The following ZNF395 variants were observed in gnomAD, a reference collection of about 807,000 sequenced individuals.
The protein encoded by ZNF395 is zinc finger protein 395.
A neutral mutation model predicts 57.7 loss-of-function variants in ZNF395; 20 were observed. That is an observed-to-expected ratio of 0.35 (90% CI 0.24 to 0.50). The LOEUF is 0.50. ZNF395 is among the 20% of genes least tolerant of loss of function. The pLI is 0.97. For missense variants in ZNF395, 606 were observed against 671.2 expected (o/e 0.90, Z 1.07); for synonymous variants, 295 against 275.9 (o/e 1.07, Z -0.69).
At chr8:28,362,203 G>A (rs1280824724) in intron 1 of ZNF395, among the ~76,000 whole-genome samples, 2 of 152,188 alleles carry the variant, frequency 1.3e-5, no homozygotes, top group African/African-American at 4.8e-5. Context: ...GGTAGTTGGT[G>A]CAAGAATCTG....
At chr8:28,375,570 G>A (rs916943017) in intron 1 of ZNF395, among the ~76,000 whole-genome samples, 5 of 152,018 alleles carry the variant, frequency 3.3e-5, no homozygotes, top group African/African-American at 7.3e-5. Flanking sequence ...CGTATGTGTC[G>A]AAACTGATTA....
intron 1 of ZNF395, among the ~76,000 whole-genome samples, chr8:28,380,261 GAAAATCTC>G (rs1392348301): frequency 6.6e-6 from 1 of 152,172 alleles, no homozygotes; most frequent in Non-Finnish European, 1.5e-5. Context: ...TCAGGATACT[GAAAATCTC>G]AAAACGCTAC....
Position 28,352,919 on chromosome 8 carries a change from C to A in ZNF395, c.820-246G>T, listed in dbSNP as rs1230271489. Among the ~76,000 whole-genome samples, 1 of 152,204 alleles carries A rather than the reference C, an allele frequency of 6.6e-6. No homozygotes were observed. ...CTAAGACCCTACTGGAGGCCTCTCC[C>A]ACGCAGACCTCTGCAGAAACACAGG... On this transcript the variant is annotated intron_variant, in intron 5 of 9. Coordinates refer to ENST00000344423, the MANE Select transcript of ZNF395 (RefSeq NM_018660.3). This position sits in a 1 kb window ranked among gnomAD's most constrained non-coding sequence, Gnocchi z 4.0.
At chr8:28,378,986 G>C (rs145467177) in intron 1 of ZNF395, among the ~76,000 whole-genome samples, 1 of 152,184 alleles carries the variant, frequency 6.6e-6, no homozygotes, top group Non-Finnish European at 1.5e-5. Flanking sequence ...CATGATCGCT[G>C]ATCATTCTAC....
In ZNF395 at chr8:28,351,564, C is replaced by G. The variant is rs753207283; in HGVS notation, c.1164G>C (p.Leu388=). The change falls in exon 7 of 10, where the codon CTG becomes CTC. Residue 388 remains leucine (L), a synonymous_variant. Transcript: ENST00000344423. ...CTGACTTGCTGAGAGCCCCTGAGGG[C>G]AGGGAGGACTCCGGGCCAGGATGTT... ...GPEHPGPESS[L]PSGALSKSAP... 12 of 1,613,872 alleles carry G rather than the reference C, an allele frequency of 7.4e-6. No homozygotes were observed. In the South Asian group the frequency reaches 1.3e-4, roughly 18 times the overall value.
At chr8:28,378,276 G>A (rs58335147) in intron 1 of ZNF395, among the ~76,000 whole-genome samples, 12,524 of 152,172 alleles carry the variant, frequency 0.082, 647 homozygotes, top group East Asian at 0.29. Context: ...CCAGGCTGGA[G>A]TGCAGTGTGC....
chr8:28,346,141 T>C lies in ZNF395; in HGVS notation c.*2578A>G, dbSNP rs1447992203. 2 of 152,028 alleles carry C rather than the reference T, an allele frequency of 1.3e-5. No homozygotes were observed. The highest frequency in any genetic ancestry group is 2.9e-5 in the Non-Finnish European group (2 of 67,980). The allele number at this position is 152,028 out of a possible 1,614,324, so 9.4% of individuals were successfully genotyped here. A position where few individuals can be genotyped will look rare whatever the true frequency, so the allele number is the denominator to read the frequency against. On this transcript the variant is annotated 3_prime_UTR_variant, in exon 10 of 10. Transcript: ENST00000344423. ...ACTCTGAATATGATTCCAAGAAATA[T>C]TCTGAAAAAAGTCACATCGCTGGAA...
At chr8:28,372,228 T>C (rs1432870165) in intron 1 of ZNF395, among the ~76,000 whole-genome samples, 4 of 152,032 alleles carry the variant, frequency 2.6e-5, no homozygotes, top group Non-Finnish European at 4.4e-5. Flanking sequence ...GCCTTGATTT[T>C]GTTAAGAGTT....
chr8:28,355,556 T>A (rs188527178), intron 4 of ZNF395, among the ~76,000 whole-genome samples: 7 of 152,264 alleles, frequency 4.6e-5, no homozygotes, highest in African/African-American at 1.7e-4. Flanking sequence ...ATACATACCC[T>A]CATGATGGGA....
chr8:28,377,447 T>C (rs575836396), intron 1 of ZNF395, among the ~76,000 whole-genome samples: 15 of 152,178 alleles, frequency 9.9e-5, no homozygotes, highest in Non-Finnish European at 1.8e-4. Flanking sequence ...TTGTCTGATA[T>C]AAACTAAACA....
chr8:28,350,621 T>C (rs942515589), intron 7 of ZNF395, among the ~76,000 whole-genome samples: 1 of 152,252 alleles, frequency 6.6e-6, no homozygotes. Context: ...ACCAGCTACA[T>C]GTCTGGGCCC....
Position 28,352,676 on chromosome 8 carries a change from A to G in ZNF395, c.820-3T>C. 6.2e-7 allele frequency: 1 copy of G among 1,613,178 alleles called. No individual in the cohort carries two copies. The highest frequency in any genetic ancestry group is 1.3e-5 in the African/African-American group (1 of 75,024). On this transcript the variant is annotated splice_polypyrimidine_tract_variant and splice_region_variant and intron_variant, in intron 5 of 9. Coordinates refer to ENST00000344423, the MANE Select transcript of ZNF395 (RefSeq NM_018660.3). This position sits in a 1 kb window ranked among gnomAD's most constrained non-coding sequence, Gnocchi z 4.0. ...TTGTACATCACCTTCACAGAGTTCT[A>G]CAGGAAAGGAAGACAGGGTGAGTGG...
chr8:28,359,856 G>C lies in ZNF395; in HGVS notation c.241-32C>G. 1 of 1,597,748 alleles carries C rather than the reference G, an allele frequency of 6.3e-7. No individual in the cohort carries two copies. The highest frequency in any genetic ancestry group is 1.7e-5 in the Admixed American group (1 of 59,562). ...GAAGAGGGACAGCAGTTAGTGGTCA[G>C]CCCTGGATGGGTCTCGCCCTGAAGT... On this transcript the variant is annotated intron_variant, in intron 2 of 9. Coordinates refer to ENST00000344423, the MANE Select transcript of ZNF395 (RefSeq NM_018660.3). This position sits in a 1 kb window ranked among gnomAD's most constrained non-coding sequence, Gnocchi z 4.7.
In ZNF395 at chr8:28,359,892, C is replaced by G; in HGVS notation, c.241-68G>C. The G allele has an allele frequency of 6.5e-7, 1 of 1,545,626 alleles. No homozygotes were observed. The highest frequency in any genetic ancestry group is 1.2e-5 in the South Asian group (1 of 82,146). On this transcript the variant is annotated intron_variant, in intron 2 of 9. Transcript: ENST00000344423. This position sits in a 1 kb window ranked among gnomAD's most constrained non-coding sequence, Gnocchi z 4.7. ...GTCTCGCCCTGAAGTTCTCATGCACCCCACGTCCCAGGAGCCAGGATCTGC... is the reference window on the plus strand; with the variant it reads ...GTCTCGCCCTGAAGTTCTCATGCACGCCACGTCCCAGGAGCCAGGATCTGC...
intron 9 of ZNF395, 125 bp from the exon 10 acceptor site, chr8:28,348,955 AG>A (rs1801643187): frequency 8.4e-7 from 1 of 1,185,740 alleles, no homozygotes; most frequent in Non-Finnish European, 1.2e-6. Flanking sequence ...CACCAGGACC[AG>A]GGGCCAGAGG....
At chr8:28,353,867 G>T (rs1235977306) in intron 4 of ZNF395, among the ~76,000 whole-genome samples, 6 of 152,066 alleles carry the variant, frequency 3.9e-5, no homozygotes, top group Admixed American at 2.0e-4. Flanking sequence ...CAGAGTGTTG[G>T]GTACCACCCA....
At position 28,359,295 on chromosome 8, in the gene ZNF395, G is replaced by A. The variant is rs189339997; in HGVS notation, c.473+297C>T. 1.6e-4 allele frequency among the ~76,000 whole-genome samples: 24 copies of A among 152,276 alleles called. No homozygotes were observed. In the East Asian group the frequency reaches 3.7e-3, roughly 23 times the overall value. The stretch of plus-strand genomic sequence containing the variant: ...TGCACGCCTGTAATCCCAGTTACTC[G>A]GGAGGCTGAAGTGGAAGAATCGCGT... On this transcript the variant is annotated intron_variant, in intron 3 of 9. Transcript: ENST00000344423. This position sits in a 1 kb window ranked among gnomAD's most constrained non-coding sequence, Gnocchi z 4.7.
chr8:28,372,086 G>A (rs986061812), intron 1 of ZNF395, among the ~76,000 whole-genome samples: 3 of 151,976 alleles, frequency 2.0e-5, no homozygotes, highest in Admixed American at 6.6e-5. Context: ...CTTCCCCATT[G>A]TGACTTTGGC....
chr8:28,362,934 T>C (rs1316230367), intron 1 of ZNF395, among the ~76,000 whole-genome samples: 1 of 152,066 alleles, frequency 6.6e-6, no homozygotes, highest in Non-Finnish European at 1.5e-5. Context: ...AATAAAATAA[T>C]ATAAGGAAAA....
Sources: allele counts gnomAD v4.1 joint callset (sites outside exome capture counted in the v4.1 genomes callset), GRCh38; gene constraint gnomAD v4.1.1; non-coding constraint Gnocchi (gnomAD v3.1); transcripts MANE v1.5; gene names NCBI Gene and HGNC (gene_info 2026-07-23, HGNC 2026-07-21).